NDRG2: variants seen among roughly 807,000 people sequenced by gnomAD.
The protein encoded by NDRG2 is protein NDRG2.
In NDRG2, 34 loss-of-function variants were observed where a neutral mutation model predicts 58.2. The ratio of observed to expected loss-of-function variants is 0.58; its 90% confidence interval spans 0.44 to 0.78. The LOEUF (loss-of-function observed/expected upper bound fraction) is 0.78. Ranked by LOEUF, NDRG2 falls within the 30% of genes least tolerant of loss-of-function variation. The pLI is 0.00. For missense variants in NDRG2, 434 were observed against 471.2 expected (o/e 0.92, Z 0.73); for synonymous variants, 187 against 175.9 (o/e 1.06, Z -0.50).
At chr14:21,025,322 G>C (rs1026713044), upstream of NDRG2, 12 of 974,728 alleles carry the variant, frequency 1.2e-5, no homozygotes, top group Admixed American at 6.2e-5. This position sits in a 1 kb window ranked among gnomAD's most constrained non-coding sequence, Gnocchi z 5.1. Context: ...TTGGGGCGGT[G>C]TGGGGAGTGC....
rs1329483643 is a variant in NDRG2, at chr14:21,018,746, C to A, written c.813+17G>T. On this transcript the variant is annotated intron_variant, in intron 12 of 15. Coordinates refer to ENST00000556147, the MANE Select transcript of NDRG2 (RefSeq NM_001320329.2). ...CCCAACCCTCCTCCCTCACTCACCC[C>A]AAAATTCCCTACTAACCACTGCATC... The A allele has an allele frequency of 6.2e-7, 1 of 1,614,124 alleles. No individual in the cohort carries two copies.
chr14:21,022,992 A>G (rs1958029), intron 2 of NDRG2, 87 bp from the exon 3 acceptor site: 141,123 of 1,457,060 alleles, frequency 0.097, 7,313 homozygotes, highest in African/African-American at 0.16. Flanking sequence ...AGAGGCAAGT[A>G]AAGACAGACC....
intron 1 of NDRG2, chr14:21,048,168 C>T (rs1885287602): frequency 6.6e-6 from 1 of 152,094 alleles, no homozygotes; most frequent in African/African-American, 2.4e-5. Flanking sequence ...GCTTCAAAGA[C>T]TTCAGAGCTT....
intron 1 of NDRG2, among the ~76,000 whole-genome samples, chr14:21,067,255 G>C (rs1243471): frequency 0.93 from 141,303 of 152,108 alleles, 65,741 homozygotes; most frequent in African/African-American, 0.98. Flanking sequence ...TTAACTATTA[G>C]TCTATAACAA....
At chr14:21,056,317 G>A (rs75135676) in intron 1 of NDRG2, among the ~76,000 whole-genome samples, 1 of 152,036 alleles carries the variant, frequency 6.6e-6, no homozygotes, top group African/African-American at 2.4e-5. Context: ...TTAATAATAC[G>A]CTAAATATAT....
chr14:21,061,370 G>T (rs1300969421), intron 1 of NDRG2, among the ~76,000 whole-genome samples: 2 of 152,218 alleles, frequency 1.3e-5, no homozygotes, highest in Admixed American at 1.3e-4. Flanking sequence ...ACAAGTGGGG[G>T]TAGCAACCTG....
intron 1 of NDRG2, among the ~76,000 whole-genome samples, chr14:21,051,918 C>T (rs1288181175): frequency 6.6e-6 from 1 of 152,220 alleles, no homozygotes; most frequent in African/African-American, 2.4e-5. Context: ...CCTCGCTCAG[C>T]CCTCCTGGGG....
At chr14:21,023,623 G>A in intron 1 of NDRG2, 2 of 358,300 alleles carry the variant, frequency 5.6e-6, no homozygotes, top group East Asian at 4.9e-5. Context: ...ATACCAGGGT[G>A]GGGCAGAAGT....
intron 1 of NDRG2, chr14:21,030,962 G>A (rs1253247652): frequency 3.2e-6 from 5 of 1,564,748 alleles, no homozygotes; most frequent in Non-Finnish European, 3.5e-6. Context: ...GACCTTGGAA[G>A]GTAATGCATT....
rs36072613 is a variant in NDRG2, at chr14:21,062,948, T to TAA, written c.24+7878_24+7879dup. 6.5e-3 allele frequency among the ~76,000 whole-genome samples: 830 copies of TAA among 128,126 alleles called. 7 individuals are homozygous for TAA. Among genetic ancestry groups the TAA allele is most frequent in the African/African-American group, 0.02 (657 of 33,648 alleles). 84.1% of individuals were successfully genotyped at this position (128,126 alleles called of 152,430 possible). ...GGGCAGTATAGTGAGACCTTGTCTC[T>TAA]AAAAAAAAAAAAAAAAAAATTGTTT... On this transcript the variant is annotated intron_variant, in intron 1 of 14. Transcript: ENST00000403829.
chr14:21,040,010 A>G (rs1884817434), intron 1 of NDRG2, among the ~76,000 whole-genome samples: 1 of 152,048 alleles, frequency 6.6e-6, no homozygotes, highest in Non-Finnish European at 1.5e-5. Flanking sequence ...TCCAGCCTCC[A>G]CTCCAAAGGC....
intron 10 of NDRG2, among the ~76,000 whole-genome samples, 199 bp downstream of exon 10, chr14:21,019,440 A>T (rs1419803525): frequency 6.6e-6 from 1 of 152,216 alleles, no homozygotes; most frequent in East Asian, 1.9e-4. Context: ...CAAAGGAGGT[A>T]AACAAGAGAA....
At chr14:21,037,757 G>A (rs1474131880) in intron 1 of NDRG2, among the ~76,000 whole-genome samples, 1 of 152,196 alleles carries the variant, frequency 6.6e-6, no homozygotes, top group African/African-American at 2.4e-5. Flanking sequence ...AACAAATGTT[G>A]ATTGTAATGG....
intron 1 of NDRG2, among the ~76,000 whole-genome samples, chr14:21,055,803 T>C (rs1036069918): frequency 1.3e-5 from 2 of 151,954 alleles, no homozygotes; most frequent in African/African-American, 4.8e-5. Context: ...TCCATCCCAA[T>C]GGGAGAGGCT....
intron 1 of NDRG2, among the ~76,000 whole-genome samples, chr14:21,041,711 G>C (rs1884904377): frequency 6.6e-6 from 1 of 152,210 alleles, no homozygotes; most frequent in Non-Finnish European, 1.5e-5. Context: ...AAAAAAGGGA[G>C]GGAACAAGTG....
chr14:21,025,402 G>T (rs1883382539), upstream of NDRG2: 1 of 985,674 alleles, frequency 1.0e-6, no homozygotes, highest in Non-Finnish European at 1.2e-6. The surrounding 1 kb of genome is among the most constrained non-coding windows in gnomAD (Gnocchi z 5.1). Context: ...ACCTGGATCT[G>T]CAATTGCACT....
intron 1 of NDRG2, among the ~76,000 whole-genome samples, chr14:21,067,059 C>G (rs1003406499): frequency 1.3e-5 from 2 of 152,182 alleles, no homozygotes; most frequent in African/African-American, 4.8e-5. Context: ...GTCACTGCTA[C>G]TCTCCCAGGG....
upstream of NDRG2, chr14:21,025,793 A>C: frequency 4.0e-6 from 3 of 753,280 alleles, no homozygotes; most frequent in South Asian, 6.0e-5. The surrounding 1 kb of genome is among the most constrained non-coding windows in gnomAD (Gnocchi z 5.1). Context: ...ATAGAGGGCG[A>C]TCGCGGGCAG....
At chr14:21,068,611 A>G (rs1390051846) in intron 1 of NDRG2, among the ~76,000 whole-genome samples, 1 of 152,046 alleles carries the variant, frequency 6.6e-6, no homozygotes, top group African/African-American at 2.4e-5. Flanking sequence ...TACGGAATGG[A>G]CACCAGGGGG....
Sources: allele counts gnomAD v4.1 joint callset (sites outside exome capture counted in the v4.1 genomes callset), GRCh38; gene constraint gnomAD v4.1.1; non-coding constraint Gnocchi (gnomAD v3.1); transcripts MANE v1.5; gene names NCBI Gene and HGNC (gene_info 2026-07-23, HGNC 2026-07-21).